Variants in FAM168A observed in about 807,000 individuals in gnomAD.
FAM168A encodes the protein protein FAM168A.
Under a neutral mutation model 28.5 loss-of-function variants are expected in FAM168A, and 3 were observed. The observed-to-expected ratio is 0.11, with a 90% CI of 0.05 to 0.27. FAM168A has a LOEUF of 0.27. Ranked by LOEUF, FAM168A falls within the 10% of genes least tolerant of loss-of-function variation. The pLI is 1.00. For synonymous variants in FAM168A, 122 were observed against 124.2 expected (o/e 0.98, Z 0.12); for missense variants, 222 against 311.5 (o/e 0.71, Z 2.16).
At chr11:73,439,913 T>A (rs1308622105) in intron 2 of FAM168A, among the ~76,000 whole-genome samples, 15 of 144,070 alleles carry the variant, frequency 1.0e-4, no homozygotes, top group Non-Finnish European at 6.1e-5. Context: ...GAGTCGGAGT[T>A]TTGCTCTTGT....
intron 2 of FAM168A, among the ~76,000 whole-genome samples, chr11:73,457,797 T>C (rs1867569561): frequency 6.6e-6 from 1 of 151,340 alleles, no homozygotes; most frequent in Admixed American, 6.6e-5. Flanking sequence ...TGGTAAATTT[T>C]GTATTACATA....
At chr11:73,505,010 G>T (rs1487964647) in intron 1 of FAM168A, among the ~76,000 whole-genome samples, 2 of 152,106 alleles carry the variant, frequency 1.3e-5, no homozygotes, top group African/African-American at 4.8e-5. Context: ...GTTGCAGGGT[G>T]AGGGGTGAGG....
intron 1 of FAM168A, among the ~76,000 whole-genome samples, chr11:73,534,064 T>A (rs1244775257): frequency 6.6e-6 from 1 of 152,226 alleles, no homozygotes; most frequent in Non-Finnish European, 1.5e-5. Context: ...ATACATGATT[T>A]CTTCACCTGT....
chr11:73,457,237 A>T (rs1449630217), intron 2 of FAM168A, among the ~76,000 whole-genome samples: 28 of 141,528 alleles, frequency 2.0e-4, no homozygotes, highest in African/African-American at 6.2e-4. Context: ...TTTTTTTTTT[A>T]AATTAGCCAG....
chr11:73,534,553 C>T (rs538719767), intron 1 of FAM168A, among the ~76,000 whole-genome samples: 1 of 152,156 alleles, frequency 6.6e-6, no homozygotes, highest in African/African-American at 2.4e-5. Context: ...CAGGAGCCCA[C>T]CACCACGCCT....
chr11:73,496,072 TGCATACACACAACCC>T (rs147026006), intron 1 of FAM168A, among the ~76,000 whole-genome samples: 2,114 of 152,222 alleles, frequency 0.014, 30 homozygotes, highest in African/African-American at 0.041. Context: ...TATACACACA[TGCATACACACAACCC>T]GCATACACAC....
intron 2 of FAM168A, among the ~76,000 whole-genome samples, chr11:73,443,758 A>G (rs2134534533): frequency 6.6e-6 from 1 of 152,332 alleles, no homozygotes; most frequent in East Asian, 1.9e-4. Flanking sequence ...CAATTTTCAA[A>G]GCCTGGGTTT....
chr11:73,528,145 C>T (rs1409566760), intron 1 of FAM168A, among the ~76,000 whole-genome samples: 4 of 152,142 alleles, frequency 2.6e-5, no homozygotes, highest in South Asian at 2.1e-4. Flanking sequence ...TTGATGAAAA[C>T]TGTCTCCTAG....
intron 2 of FAM168A, among the ~76,000 whole-genome samples, chr11:73,439,965 A>T (rs1189918215): frequency 7.0e-6 from 1 of 142,944 alleles, no homozygotes; most frequent in African/African-American, 2.6e-5. Context: ...TGCTCACTGC[A>T]ACCTCTGCCT....
chr11:73,482,365 GA>G (rs1867979550), intron 1 of FAM168A, among the ~76,000 whole-genome samples: 1 of 151,598 alleles, frequency 6.6e-6, no homozygotes, highest in South Asian at 2.1e-4. Flanking sequence ...TCTCTGGATG[GA>G]CAGATGAACA....
chr11:73,563,520 T>C (rs975640703), intron 1 of FAM168A, among the ~76,000 whole-genome samples: 9 of 152,070 alleles, frequency 5.9e-5, no homozygotes, highest in African/African-American at 2.2e-4. Context: ...ACAGTAAGTA[T>C]GTAAGATGCC....
At chr11:73,546,393 A>G (rs1023783585) in intron 1 of FAM168A, among the ~76,000 whole-genome samples, 4 of 152,218 alleles carry the variant, frequency 2.6e-5, no homozygotes, top group Non-Finnish European at 5.9e-5. Flanking sequence ...CAATTTTGAA[A>G]TAAGACAGCT....
intron 1 of FAM168A, among the ~76,000 whole-genome samples, chr11:73,536,736 T>A (rs372213777): frequency 2.0e-5 from 3 of 152,242 alleles, no homozygotes; most frequent in African/African-American, 7.2e-5. Flanking sequence ...GTTTGTTTTA[T>A]TGATGGTTAT....
chr11:73,515,899 G>C (rs540348439), intron 1 of FAM168A, among the ~76,000 whole-genome samples: 1 of 151,876 alleles, frequency 6.6e-6, no homozygotes, highest in Non-Finnish European at 1.5e-5. Flanking sequence ...TCAGGAGATC[G>C]AGACCATCCT....
chr11:73,516,915 C>A (rs964919499), intron 1 of FAM168A, among the ~76,000 whole-genome samples: 1 of 152,172 alleles, frequency 6.6e-6, no homozygotes, highest in Admixed American at 6.5e-5. Flanking sequence ...GAGACATTAT[C>A]CCTGCCTTCA....
intron 1 of FAM168A, among the ~76,000 whole-genome samples, chr11:73,573,880 A>C (rs1049020629): frequency 6.6e-6 from 1 of 152,160 alleles, no homozygotes; most frequent in African/African-American, 2.4e-5. Context: ...CACTATGTCC[A>C]GGAGTTCCAC....
intron 4 of FAM168A, among the ~76,000 whole-genome samples, chr11:73,417,475 T>A (rs554489316): frequency 1.5e-4 from 23 of 152,144 alleles, no homozygotes; most frequent in African/African-American, 4.1e-4. Context: ...ATCCCTATTT[T>A]TATATATATA....
chr11:73,563,090 C>T (rs1390422862), intron 1 of FAM168A, among the ~76,000 whole-genome samples: 1 of 152,138 alleles, frequency 6.6e-6, no homozygotes, highest in Non-Finnish European at 1.5e-5. Flanking sequence ...TTAAACTACT[C>T]CAAGAAAAGA....
intron 3 of FAM168A, among the ~76,000 whole-genome samples, chr11:73,425,734 C>A (rs1866874732): frequency 6.6e-6 from 1 of 152,194 alleles, no homozygotes; most frequent in East Asian, 1.9e-4. Flanking sequence ...GTGCATGCCA[C>A]CAAGCCTGCC....
Sources: allele counts gnomAD v4.1 joint callset (sites outside exome capture counted in the v4.1 genomes callset), GRCh38; gene constraint gnomAD v4.1.1; transcripts MANE v1.5; gene names NCBI Gene and HGNC (gene_info 2026-07-23, HGNC 2026-07-21).